Variants in PDE4DIP observed in about 807,000 individuals in gnomAD.
PDE4DIP encodes myomegalin.
In PDE4DIP, 59 loss-of-function variants were observed where a neutral mutation model predicts 221.4. That is an observed-to-expected ratio of 0.27 (90% CI 0.22 to 0.33). PDE4DIP has a LOEUF of 0.33. Among genes scored for constraint, PDE4DIP ranks in the 10% least tolerant of loss-of-function variants. PDE4DIP has a pLI of 1.00. For missense variants in PDE4DIP, 1,036 were observed against 2,154.2 expected (o/e 0.48, Z 10.28); for synonymous variants, 404 against 815.9 (o/e 0.50, Z 8.60).
chr1:149,009,437 G>A, intron 29 of PDE4DIP, 131 bp from the exon 33 acceptor site: 3 of 632,300 alleles, frequency 4.7e-6, no homozygotes, highest in South Asian at 1.8e-5. Flanking sequence ...CCTAAGCAGA[G>A]GTGGGTTATT....
In PDE4DIP at chr1:148,981,231, G is replaced by A. The variant is rs144353040; in HGVS notation, c.2688-39G>A. Reference sequence around the variant, plus strand: ...CAAATGTGGACTCACTACAGTTGATGGCTAATCCACTTTCCTTCCATGTGG... The same window carrying A: ...CAAATGTGGACTCACTACAGTTGATAGCTAATCCACTTTCCTTCCATGTGG... On this transcript the variant is annotated intron_variant, in intron 20 of 43. Transcript: ENST00000369354. 2,507 of 1,607,268 alleles carry A rather than the reference G, an allele frequency of 1.6e-3. 38 individuals are homozygous for A. In the African/African-American group the frequency reaches 0.03, roughly 20 times the overall value.
intron 5 of PDE4DIP, among the ~76,000 whole-genome samples, chr1:148,956,304 C>G (rs2055312737): frequency 3.3e-5 from 5 of 151,906 alleles, no homozygotes; most frequent in Admixed American, 3.3e-4. Context: ...GTTTAATCCT[C>G]CACTTACCAT....
At chr1:148,968,921 A>C in exon 14 of PDE4DIP, 2 of 1,613,704 alleles carry the variant, frequency 1.2e-6, no homozygotes, top group Non-Finnish European at 1.7e-6. Flanking sequence ...CAGCGAAAGG[A>C]AAGGATGCTG....
chr1:148,912,085 C>T (rs2042879607), intron 1 of PDE4DIP, among the ~76,000 whole-genome samples: 3 of 145,390 alleles, frequency 2.1e-5, no homozygotes, highest in African/African-American at 7.8e-5. Context: ...TTGTGGACCA[C>T]ACTACCTTTT....
chr1:148,980,136 G>C (rs2060843644), intron 20 of PDE4DIP, among the ~76,000 whole-genome samples: 1 of 152,234 alleles, frequency 6.6e-6, no homozygotes, highest in South Asian at 2.1e-4. Flanking sequence ...CTTGCATGTA[G>C]TAAGCACTCA....
chr1:148,984,526 T>TA (rs201500045), intron 21 of PDE4DIP: 57 of 152,112 alleles, frequency 3.7e-4, no homozygotes, highest in African/African-American at 1.0e-3. Context: ...CCGATGTACA[T>TA]AAAAAAACCT....
rs782634708 is a variant in PDE4DIP at position 149,029,813 on chromosome 1, G to A, written c.6840G>A (p.Leu2280=). 1.1e-5 allele frequency: 17 copies of A among 1,596,138 alleles called. 1 individual carries two copies. The highest frequency in any genetic ancestry group is 2.2e-5 in the South Asian group (2 of 90,248). ...GAGAATCAACAGAAAGGGAACTTCT[G>A]GAACTGAGAACCAAAGTATCCAAAC... is the stretch of plus-strand genomic sequence containing the variant. The change falls in exon 42 of 44, where the codon CTG becomes CTA. Residue 2280 remains leucine (L), a synonymous_variant. Transcript: ENST00000369354.
intron 41 of PDE4DIP, among the ~76,000 whole-genome samples, chr1:149,029,330 C>G (rs756143656): frequency 2.0e-5 from 3 of 152,216 alleles, no homozygotes; most frequent in Non-Finnish European, 4.4e-5. Context: ...TCCAACTATG[C>G]TAATTCCAGG....
intron 21 of PDE4DIP, chr1:148,986,072 T>C (rs1445671154): frequency 2.0e-5 from 3 of 152,196 alleles, no homozygotes; most frequent in Admixed American, 6.5e-5. Flanking sequence ...CACTTAAACT[T>C]TTGTGGGTTG....
chr1:148,994,638 A>G (rs1358315945), intron 22 of PDE4DIP, among the ~76,000 whole-genome samples: 3 of 152,252 alleles, frequency 2.0e-5, no homozygotes, highest in Non-Finnish European at 4.4e-5. Context: ...CTAATTACAT[A>G]TTCATAAACT....
intron 21 of PDE4DIP, chr1:148,981,990 G>A (rs1234386052): frequency 1.3e-5 from 2 of 156,140 alleles, no homozygotes; most frequent in African/African-American, 2.4e-5. Flanking sequence ...TCAAAACCAG[G>A]AGAGTAGTCT....
intron 43 of PDE4DIP, chr1:149,031,250 A>T (rs77319384): frequency 1.0e-6 from 1 of 962,822 alleles, no homozygotes; most frequent in Non-Finnish European, 1.2e-6. Context: ...TCTAGTATCC[A>T]CTAAAAGGTA....
chr1:148,986,916 G>A (rs1553550464), intron 21 of PDE4DIP, among the ~76,000 whole-genome samples: 2 of 152,288 alleles, frequency 1.3e-5, no homozygotes, highest in Non-Finnish European at 1.5e-5. Context: ...CACAAAATAG[G>A]TGCAGTGGTC....
intron 4 of PDE4DIP, among the ~76,000 whole-genome samples, chr1:148,933,799 G>A (rs1209999746): frequency 2.0e-5 from 3 of 151,888 alleles, no homozygotes; most frequent in Non-Finnish European, 4.4e-5. Context: ...CTTTTATGAT[G>A]TAACCTCTGA....
intron 41 of PDE4DIP, 105 bp downstream of exon 44, chr1:149,028,808 T>C: frequency 5.9e-6 from 4 of 679,608 alleles, no homozygotes; most frequent in East Asian, 3.3e-5. Context: ...AGGAGCCACA[T>C]AGTGAGTTGG....
chr1:149,017,356 C>T (rs1553612454), intron 33 of PDE4DIP, among the ~76,000 whole-genome samples: 1 of 152,282 alleles, frequency 6.6e-6, no homozygotes, highest in Non-Finnish European at 1.5e-5. Context: ...AGAATGCTCA[C>T]TCACGTGTCA....
intron 32 of PDE4DIP, among the ~76,000 whole-genome samples, chr1:149,013,781 C>CTTTTTTTTT (rs71582768): frequency 9.4e-5 from 3 of 31,942 alleles, no homozygotes; most frequent in African/African-American, 1.6e-4. Flanking sequence ...CCTTCTTCCT[C>CTTTTTTTTT]TTTTTTTTTT....
intron 1 of PDE4DIP, among the ~76,000 whole-genome samples, chr1:148,890,484 T>C (rs1186098806): frequency 1.6e-5 from 2 of 124,916 alleles, no homozygotes; most frequent in Non-Finnish European, 3.5e-5. Flanking sequence ...CAGGGCACAG[T>C]GGCTCATGCC....
chr1:148,961,802 T>A, intron 6 of PDE4DIP, 35 bp from the exon 10 acceptor site: 1 of 842,260 alleles, frequency 1.2e-6, no homozygotes, highest in Non-Finnish European at 2.0e-6. Context: ...AAGACATCAT[T>A]GACCTAAAAA....
Sources: allele counts gnomAD v4.1 joint callset (sites outside exome capture counted in the v4.1 genomes callset), GRCh38; gene constraint gnomAD v4.1.1; transcripts MANE v1.5; gene names NCBI Gene and HGNC (gene_info 2026-07-23, HGNC 2026-07-21).